MAF: variants seen among roughly 807,000 people sequenced by gnomAD.
The protein encoded by MAF is transcription factor Maf.
In MAF, 10 loss-of-function variants were observed where a neutral mutation model predicts 22.0. The ratio of observed to expected loss-of-function variants is 0.45; its 90% CI spans 0.28 to 0.77. MAF has a LOEUF of 0.77. Ranked by LOEUF, MAF falls within the 30% of genes least tolerant of loss-of-function variation. The pLI is 0.12. For synonymous variants in MAF, 337 were observed against 255.8 expected (o/e 1.32, Z -3.03); for missense variants, 544 against 548.4 (o/e 0.99, Z 0.08).
chr16:79,212,012 A>ACC, the MAF span: 2 of 1,536,260 alleles, frequency 1.3e-6, no homozygotes, highest in Non-Finnish European at 1.7e-6. Flanking sequence ...GGCTAGGCAT[A>ACC]GGTCTCTTTG....
the MAF span, among the ~76,000 whole-genome samples, chr16:79,255,536 C>T: frequency 6.6e-6 from 1 of 152,198 alleles, no homozygotes; most frequent in Non-Finnish European, 1.5e-5. Flanking sequence ...AACAATAACA[C>T]ATTTGCTTTA....
At chr16:79,454,285 T>C in the MAF span, among the ~76,000 whole-genome samples, 18 of 152,104 alleles carry the variant, frequency 1.2e-4, 1 homozygote, top group African/African-American at 4.3e-4. Context: ...ACAGAGAAGA[T>C]GTAGAAATAA....
chr16:79,316,799 G>A, the MAF span, among the ~76,000 whole-genome samples: 1 of 152,142 alleles, frequency 6.6e-6, no homozygotes, highest in African/African-American at 2.4e-5. Flanking sequence ...ACTAATAGGT[G>A]TTACTCGCTC....
chr16:79,296,531 A>AT, the MAF span, among the ~76,000 whole-genome samples: 4 of 151,862 alleles, frequency 2.6e-5, no homozygotes, highest in East Asian at 1.9e-4. Flanking sequence ...AAATAAAATA[A>AT]TTTTTTTTTA....
downstream of MAF, among the ~76,000 whole-genome samples, chr16:79,581,946 A>G (rs1912546552): frequency 6.6e-6 from 1 of 152,182 alleles, no homozygotes; most frequent in African/African-American, 2.4e-5. Context: ...ATGTCCTTCC[A>G]TTTGGTATTA....
chr16:79,345,318 C>T, the MAF span, among the ~76,000 whole-genome samples: 10 of 152,148 alleles, frequency 6.6e-5, no homozygotes, highest in Non-Finnish European at 1.3e-4. Context: ...TTTGTTTAAT[C>T]CTCATTTCAT....
chr16:79,284,256 A>G, the MAF span, among the ~76,000 whole-genome samples: 1 of 152,168 alleles, frequency 6.6e-6, no homozygotes, highest in Non-Finnish European at 1.5e-5. Flanking sequence ...GAAGGTCTTG[A>G]TATGAAAGAT....
chr16:79,307,842 C>T, the MAF span, among the ~76,000 whole-genome samples: 19 of 152,270 alleles, frequency 1.2e-4, no homozygotes, highest in East Asian at 7.7e-4. Context: ...AAGCCAACAA[C>T]GAAGAGACTG....
At chr16:79,406,134 A>G in the MAF span, among the ~76,000 whole-genome samples, 55 of 151,680 alleles carry the variant, frequency 3.6e-4, no homozygotes, top group South Asian at 6.3e-4. Context: ...AATTGCCCAC[A>G]GTGACCCATC....
At chr16:79,509,235 G>T in the MAF span, among the ~76,000 whole-genome samples, 1 of 152,288 alleles carries the variant, frequency 6.6e-6, no homozygotes, top group East Asian at 1.9e-4. Context: ...ATAAAAATAG[G>T]ACTTCTCTTT....
At chr16:79,269,935 C>T in the MAF span, among the ~76,000 whole-genome samples, 1 of 152,152 alleles carries the variant, frequency 6.6e-6, no homozygotes, top group Non-Finnish European at 1.5e-5. Context: ...TAGAAGCAAG[C>T]TATGGAGACG....
chr16:79,553,072 A>T, the MAF span, among the ~76,000 whole-genome samples: 1 of 152,224 alleles, frequency 6.6e-6, no homozygotes, highest in African/African-American at 2.4e-5. Context: ...CTCACCTGCA[A>T]AATGGGTTAT....
the MAF span, among the ~76,000 whole-genome samples, chr16:79,457,712 T>C: frequency 6.6e-6 from 1 of 152,134 alleles, no homozygotes. Context: ...CACCCTACAC[T>C]CTGTGCTCCT....
the MAF span, among the ~76,000 whole-genome samples, chr16:79,252,881 G>A: frequency 6.6e-6 from 1 of 152,162 alleles, no homozygotes; most frequent in East Asian, 1.9e-4. Flanking sequence ...AATTGTGAAA[G>A]GGGTGTAAAA....
At chr16:79,217,487 C>A in the MAF span, among the ~76,000 whole-genome samples, 1 of 152,208 alleles carries the variant, frequency 6.6e-6, no homozygotes. Context: ...TTTGTACATG[C>A]CATTTATCCA....
the MAF span, among the ~76,000 whole-genome samples, chr16:79,330,753 C>T: frequency 2.0e-5 from 3 of 152,204 alleles, no homozygotes; most frequent in Non-Finnish European, 2.9e-5. Flanking sequence ...TGGCTCAGCT[C>T]CTCTAAGCAG....
chr16:79,440,077 T>C, the MAF span, among the ~76,000 whole-genome samples: 2 of 152,246 alleles, frequency 1.3e-5, no homozygotes, highest in South Asian at 2.1e-4. Context: ...TCCCTAATTA[T>C]GACATTCCTT....
At chr16:79,271,328 C>T in the MAF span, among the ~76,000 whole-genome samples, 23 of 152,002 alleles carry the variant, frequency 1.5e-4, no homozygotes, top group Non-Finnish European at 2.8e-4. Flanking sequence ...TGGGTTACTA[C>T]TAAATAAAAT....
At chr16:79,482,404 G>A in the MAF span, among the ~76,000 whole-genome samples, 1 of 152,164 alleles carries the variant, frequency 6.6e-6, no homozygotes, top group African/African-American at 2.4e-5. Flanking sequence ...TGCAAGGGTG[G>A]AGAGATTGTC....
Sources: gnomAD v4.1 joint callset for allele counts (sites outside exome capture counted in the v4.1 genomes callset) on GRCh38, gnomAD v4.1.1 for gene constraint, MANE v1.5 for transcripts, NCBI Gene and HGNC (gene_info 2026-07-23, HGNC 2026-07-21) for gene names.